Variants in SFXN5 observed in about 807,000 individuals in gnomAD.
The protein encoded by SFXN5 is sideroflexin-5.
Under a neutral mutation model 50.2 loss-of-function variants are expected in SFXN5, and 43 were observed. The ratio of observed to expected loss-of-function variants is 0.86; its 90% CI spans 0.67 to 1.11. The LOEUF (loss-of-function observed/expected upper bound fraction) is 1.11. Among genes scored for constraint, SFXN5 ranks in the 50% least tolerant of loss-of-function variants. The pLI, the probability that SFXN5 is intolerant of heterozygous loss-of-function variation, is 0.00. For missense variants in SFXN5, 463 were observed against 454.1 expected, an observed-to-expected ratio of 1.02 and a Z score of -0.18; for synonymous variants, 203 against 185.8, an observed-to-expected ratio of 1.09 and a Z score of -0.75.
At chr2:72,996,628 C>A (rs545349883) in intron 9 of SFXN5, 1 of 151,948 alleles carries the variant, frequency 6.6e-6, no homozygotes, top group African/African-American at 2.4e-5. Flanking sequence ...CCCACCTCAG[C>A]CTCCCAGGTA....
chr2:73,019,012 A>T (rs1359323421), intron 6 of SFXN5, among the ~76,000 whole-genome samples: 1 of 152,202 alleles, frequency 6.6e-6, no homozygotes, highest in African/African-American at 2.4e-5. Context: ...TTTGTTGTAA[A>T]CCCAAAACTA....
chr2:73,056,525 A>C (rs1050754701), intron 2 of SFXN5, among the ~76,000 whole-genome samples: 2 of 151,984 alleles, frequency 1.3e-5, no homozygotes, highest in Non-Finnish European at 2.9e-5. Context: ...ATCTCTACTA[A>C]AAATACAAAA....
chr2:72,990,399 TTCA>T (rs1672442832), intron 9 of SFXN5, among the ~76,000 whole-genome samples: 1 of 151,954 alleles, frequency 6.6e-6, no homozygotes, highest in Non-Finnish European at 1.5e-5. Context: ...ATGAATAGAA[TTCA>T]TCAAGTCCAG....
At chr2:73,064,003 G>A (rs969061195) in intron 1 of SFXN5, among the ~76,000 whole-genome samples, 13 of 152,114 alleles carry the variant, frequency 8.5e-5, no homozygotes, top group Non-Finnish European at 1.5e-4. Flanking sequence ...TCAGCCAAGT[G>A]ATTCCTTCTC....
intron 2 of SFXN5, among the ~76,000 whole-genome samples, chr2:73,051,910 C>G (rs1483494397): frequency 6.6e-6 from 1 of 152,060 alleles, no homozygotes; most frequent in African/African-American, 2.4e-5. Flanking sequence ...GGTTTTAATC[C>G]CAGTCACAGC....
intron 10 of SFXN5, among the ~76,000 whole-genome samples, chr2:72,972,753 C>T (rs1559106613): frequency 6.6e-6 from 1 of 152,226 alleles, no homozygotes; most frequent in African/African-American, 2.4e-5. Context: ...CCCCCCAAAG[C>T]GCCTTGCTGT....
intron 13 of SFXN5, among the ~76,000 whole-genome samples, chr2:72,955,931 G>A (rs1002504880): frequency 6.6e-6 from 1 of 152,272 alleles, no homozygotes; most frequent in Non-Finnish European, 1.5e-5. Flanking sequence ...GCAAGCTGCC[G>A]CGCAGCCTCT....
At chr2:73,022,470 C>T (rs1309342688) in intron 5 of SFXN5, 52 bp downstream of exon 5, 9 of 1,403,406 alleles carry the variant, frequency 6.4e-6, no homozygotes, top group Non-Finnish European at 8.1e-6. Flanking sequence ...GGAACTGTGA[C>T]TGGAGTAAGC....
At chr2:72,959,278 A>T (rs959151746) in intron 13 of SFXN5, among the ~76,000 whole-genome samples, 4 of 152,030 alleles carry the variant, frequency 2.6e-5, no homozygotes, top group Non-Finnish European at 5.9e-5. Context: ...CCCAGCGTGG[A>T]TCCCGTGGTC....
At chr2:73,011,018 A>G (rs1441716053) in intron 6 of SFXN5, among the ~76,000 whole-genome samples, 1 of 152,248 alleles carries the variant, frequency 6.6e-6, no homozygotes. Flanking sequence ...TATAAAAACA[A>G]AAGCATAAAA....
chr2:73,010,174 T>C (rs192786842), intron 6 of SFXN5, among the ~76,000 whole-genome samples: 6 of 152,364 alleles, frequency 3.9e-5, no homozygotes, highest in Admixed American at 2.6e-4. Flanking sequence ...AGAATCCTTA[T>C]ATAATTGGGG....
chr2:73,054,664 C>T (rs1681855041), intron 2 of SFXN5, among the ~76,000 whole-genome samples: 1 of 152,186 alleles, frequency 6.6e-6, no homozygotes, highest in South Asian at 2.1e-4. Context: ...CTGCTTCCCA[C>T]GTCTCCCTCT....
At chr2:72,975,269 G>A (rs1670502091) in intron 10 of SFXN5, among the ~76,000 whole-genome samples, 1 of 152,178 alleles carries the variant, frequency 6.6e-6, no homozygotes, top group South Asian at 2.1e-4. Context: ...GGCAGTGTGG[G>A]GAGGAAGAAA....
At chr2:72,978,687 C>A (rs10200714) in intron 10 of SFXN5, among the ~76,000 whole-genome samples, 1 of 152,048 alleles carries the variant, frequency 6.6e-6, no homozygotes, top group Admixed American at 6.6e-5. Context: ...CGTATGCCCA[C>A]CTGGCAATAT....
At chr2:73,030,683 C>T (rs1293748510) in intron 3 of SFXN5, among the ~76,000 whole-genome samples, 1 of 152,150 alleles carries the variant, frequency 6.6e-6, no homozygotes, top group Non-Finnish European at 1.5e-5. Flanking sequence ...ACCGCGTCTG[C>T]TTTCTGTCTC....
At chr2:72,956,604 C>T (rs1057324161) in intron 13 of SFXN5, among the ~76,000 whole-genome samples, 7 of 152,156 alleles carry the variant, frequency 4.6e-5, no homozygotes, top group African/African-American at 7.2e-5. Context: ...TCTTGGACAA[C>T]GTACTTAACC....
intron 2 of SFXN5, chr2:73,042,343 G>A (rs1020508225): frequency 3.3e-5 from 5 of 152,174 alleles, no homozygotes; most frequent in Non-Finnish European, 5.9e-5. Flanking sequence ...GGCTGGACAT[G>A]ATGGCTCATG....
At chr2:73,006,877 G>T (rs1005713846) in intron 6 of SFXN5, among the ~76,000 whole-genome samples, 2 of 152,214 alleles carry the variant, frequency 1.3e-5, no homozygotes, top group Non-Finnish European at 2.9e-5. Context: ...CCATCTCTAG[G>T]GCTGCCCTGA....
chr2:73,024,172 C>T (rs565264397), intron 3 of SFXN5, among the ~76,000 whole-genome samples: 1 of 152,096 alleles, frequency 6.6e-6, no homozygotes, highest in Admixed American at 6.5e-5. Context: ...TACAGGCGCG[C>T]ACCACCATGC....
Sources: allele counts gnomAD v4.1 joint callset (sites outside exome capture counted in the v4.1 genomes callset), GRCh38; gene constraint gnomAD v4.1.1; transcripts MANE v1.5; gene names NCBI Gene and HGNC (gene_info 2026-07-23, HGNC 2026-07-21).